Variants in RTN4RL1 observed in about 807,000 individuals in gnomAD.
RTN4RL1 encodes the protein reticulon-4 receptor-like 1.
RTN4RL1 carries 7 observed loss-of-function variants against 25.6 expected under a neutral mutation model. The ratio of observed to expected loss-of-function variants is 0.27; its 90% CI spans 0.16 to 0.51. The LOEUF (loss-of-function observed/expected upper bound fraction) is 0.51, where lower values mean the gene tolerates loss of function less well. Among genes scored for constraint, RTN4RL1 ranks in the 20% least tolerant of loss-of-function variants. RTN4RL1 has a pLI of 0.97. For missense variants in RTN4RL1, 500 were observed against 615.6 expected (o/e 0.81, Z 1.99); for synonymous variants, 297 against 288.2 (o/e 1.03, Z -0.31).
rs535437600 is a variant in RTN4RL1 at position 2,010,235 on chromosome 17, T to A, written c.13+14618A>T. ...ACTTTGGGAGGCCGATGTGGGTAGATCACTTGAGGCCAGGAGTTCAAGACC... is the reference window on the plus strand; with the variant it reads ...ACTTTGGGAGGCCGATGTGGGTAGAACACTTGAGGCCAGGAGTTCAAGACC... On this transcript the variant is annotated intron_variant, in intron 1 of 1. Coordinates refer to ENST00000331238, the MANE Select transcript of RTN4RL1 (RefSeq NM_178568.4). Among the ~76,000 whole-genome samples the A allele has an allele frequency of 2.2e-5, 2 of 90,382 alleles. 1 individual carries two copies. Among genetic ancestry groups the A allele is most frequent in the East Asian group, 9.3e-4 (2 of 2,142 alleles). 59.3% of individuals were successfully genotyped at this position (90,382 alleles called of 152,430 possible).
intron 1 of RTN4RL1, among the ~76,000 whole-genome samples, chr17:1,969,161 C>T (rs1004395993): frequency 3.5e-5 from 5 of 141,954 alleles, no homozygotes; most frequent in South Asian, 2.3e-4. Context: ...GAGGTTAAAA[C>T]GATTCTCCTG....
intron 1 of RTN4RL1, among the ~76,000 whole-genome samples, chr17:1,950,808 C>T (rs866981645): frequency 2.1e-5 from 3 of 141,650 alleles, no homozygotes; most frequent in East Asian, 2.0e-4. Flanking sequence ...GTCACACCCC[C>T]GCACTCCAAC....
chr17:1,973,639 G>A (rs2066829995), intron 1 of RTN4RL1, among the ~76,000 whole-genome samples: 1 of 152,150 alleles, frequency 6.6e-6, no homozygotes, highest in African/African-American at 2.4e-5. Context: ...GGACAGACGT[G>A]ACTGACCAGT....
chr17:1,967,726 T>G (rs35577661), intron 1 of RTN4RL1, among the ~76,000 whole-genome samples: 33,367 of 151,594 alleles, frequency 0.22, 4,036 homozygotes, highest in Middle Eastern at 0.29. Flanking sequence ...TGCAACCTCC[T>G]CCTCCCAGGT....
chr17:1,959,502 A>C (rs966800622), intron 1 of RTN4RL1, among the ~76,000 whole-genome samples: 1 of 152,056 alleles, frequency 6.6e-6, no homozygotes, highest in African/African-American at 2.4e-5. Context: ...TCAGCCCTTG[A>C]AACTTCTCTC....
intron 1 of RTN4RL1, among the ~76,000 whole-genome samples, chr17:1,991,463 AC>A (rs79568188): frequency 0.12 from 6,321 of 52,182 alleles, 435 homozygotes; most frequent in Non-Finnish European, 0.17. Flanking sequence ...AAAAAAAAAA[AC>A]AAAAAAAAAC....
At chr17:1,947,045 C>T (rs936951815) in intron 1 of RTN4RL1, among the ~76,000 whole-genome samples, 5 of 49,384 alleles carry the variant, frequency 1.0e-4, no homozygotes, top group Non-Finnish European at 1.8e-4. Flanking sequence ...TGTCTGTGTG[C>T]GTCTCTGTGA....
At chr17:2,007,334 CCCAACACACACA>C (rs937282054) in intron 1 of RTN4RL1, among the ~76,000 whole-genome samples, 6 of 73,530 alleles carry the variant, frequency 8.2e-5, no homozygotes, top group African/African-American at 5.1e-4. Context: ...TGTTCACAGC[CCCAACACACACA>C]CACACACACA....
chr17:1,940,690 T>C (rs966108894), intron 1 of RTN4RL1, among the ~76,000 whole-genome samples: 26 of 151,928 alleles, frequency 1.7e-4, no homozygotes, highest in Non-Finnish European at 4.4e-5. Context: ...AGCTGCACCT[T>C]CCACAGAGCC....
intron 1 of RTN4RL1, among the ~76,000 whole-genome samples, chr17:1,991,796 A>G (rs2066910180): frequency 6.6e-6 from 1 of 152,152 alleles, no homozygotes; most frequent in Non-Finnish European, 1.5e-5. Context: ...CTGATGGACA[A>G]GTAGGTTGTT....
rs577835507 is a variant in RTN4RL1 at position 1,962,007 on chromosome 17, C to T, written c.14-24199G>A. Among the ~76,000 whole-genome samples the T allele has an allele frequency of 1.9e-4, 29 of 149,758 alleles. No individual in the cohort carries two copies. The East Asian group carries it at 2.3e-3, about 12-fold the overall frequency. Reference sequence around the variant, plus strand: ...AGAAAGAAAAGAAAAGCAGGCCGGGCGTGGTGGCTCATGCTTATAATCCCA... The same window carrying T: ...AGAAAGAAAAGAAAAGCAGGCCGGGTGTGGTGGCTCATGCTTATAATCCCA... On this transcript the variant is annotated intron_variant, in intron 1 of 1. Coordinates refer to ENST00000331238, the MANE Select transcript of RTN4RL1 (RefSeq NM_178568.4).
At chr17:1,950,438 T>C (rs932135902) in intron 1 of RTN4RL1, among the ~76,000 whole-genome samples, 2 of 152,070 alleles carry the variant, frequency 1.3e-5, no homozygotes, top group African/African-American at 2.4e-5. Flanking sequence ...TGAGGATGCA[T>C]AACGTCCGAG....
intron 1 of RTN4RL1, among the ~76,000 whole-genome samples, chr17:1,979,425 T>A (rs2066857314): frequency 7.0e-6 from 1 of 142,986 alleles, no homozygotes; most frequent in African/African-American, 2.6e-5. Context: ...TGCAATGAGC[T>A]ATGCGTGCGC....
chr17:1,966,791 T>C (rs1247501378), intron 1 of RTN4RL1, among the ~76,000 whole-genome samples: 1 of 152,044 alleles, frequency 6.6e-6, no homozygotes, highest in Admixed American at 6.5e-5. Flanking sequence ...TGGTTCCTGG[T>C]TTAACATTTT....
chr17:1,962,316 TAAGA>T (rs1191641535), intron 1 of RTN4RL1, among the ~76,000 whole-genome samples: 1 of 151,426 alleles, frequency 6.6e-6, no homozygotes, highest in African/African-American at 2.4e-5. Context: ...AGAAAAGAAG[TAAGA>T]AAGAAAAAGA....
chr17:2,001,949 TG>T (rs986437266), intron 1 of RTN4RL1, among the ~76,000 whole-genome samples: 1 of 81,474 alleles, frequency 1.2e-5, no homozygotes, highest in Non-Finnish European at 2.7e-5. Flanking sequence ...GGGGAGGGAG[TG>T]GGGGGAGCTC....
rs1447342898 is a variant in RTN4RL1, at chr17:2,009,804, G to A, written c.13+15049C>T. Among the ~76,000 whole-genome samples, 2 of 127,550 alleles carry A rather than the reference G, an allele frequency of 1.6e-5. 1 individual carries two copies. The highest frequency in any genetic ancestry group is 5.9e-4 in the East Asian group (2 of 3,404). The allele number at this position is 127,550 out of a possible 152,430, so 83.7% of individuals were successfully genotyped here. On this transcript the variant is annotated intron_variant, in intron 1 of 1. Transcript: ENST00000331238. ...CCAAGTGGCTGATGGACTTGGGACTGACCGCAAGTTCTGGTACTCTCCAAA... is the reference window on the plus strand; with the variant it reads ...CCAAGTGGCTGATGGACTTGGGACTAACCGCAAGTTCTGGTACTCTCCAAA...
At chr17:1,976,822 A>T (rs113973722) in intron 1 of RTN4RL1, among the ~76,000 whole-genome samples, 4,689 of 152,202 alleles carry the variant, frequency 0.031, 107 homozygotes, top group Non-Finnish European at 0.045. Flanking sequence ...CTCGGCTGGG[A>T]CTCAACTTGT....
chr17:2,005,764 T>TCTCTCC (rs1377497177), intron 1 of RTN4RL1, among the ~76,000 whole-genome samples: 1 of 145,462 alleles, frequency 6.9e-6, no homozygotes, highest in Admixed American at 7.0e-5. Context: ...TCTCTCTCTC[T>TCTCTCC]CCTTCTCTTT....
Sources: gnomAD v4.1 joint callset for allele counts (sites outside exome capture counted in the v4.1 genomes callset) on GRCh38, gnomAD v4.1.1 for gene constraint, MANE v1.5 for transcripts, NCBI Gene and HGNC (gene_info 2026-07-23, HGNC 2026-07-21) for gene names.